Variants in PRRX1 observed in about 807,000 individuals in gnomAD.
PRRX1 encodes paired related homeobox 1.
Under a neutral mutation model 24.0 loss-of-function variants are expected in PRRX1, and 8 were observed. The observed-to-expected ratio is 0.33, with a 90% CI of 0.20 to 0.60. The LOEUF is 0.60. Among genes scored for constraint, PRRX1 ranks in the 20% least tolerant of loss-of-function variants. PRRX1 has a pLI of 0.82. For missense variants in PRRX1, 281 were observed against 322.4 expected, an observed-to-expected ratio of 0.87 and a Z score of 0.98; for synonymous variants, 160 against 131.7, an observed-to-expected ratio of 1.22 and a Z score of -1.47.
chr1:170,667,048 T>A (rs1223206435), intron 1 of PRRX1, among the ~76,000 whole-genome samples: 2 of 152,042 alleles, frequency 1.3e-5, no homozygotes, highest in African/African-American at 4.8e-5. Flanking sequence ...GGGGACTGTA[T>A]GTCCCGGGAG....
chr1:170,692,733 T>TCG, intron 1 of PRRX1, among the ~76,000 whole-genome samples: 1 of 141,152 alleles, frequency 7.1e-6, no homozygotes. Context: ...TCTCTCTCTC[T>TCG]CTCTCTCTCA....
Position 170,670,920 on chromosome 1 carries a change from T to C in PRRX1, c.241+6461T>C, listed in dbSNP as rs530933538. ...GATATAGGAATAAGGGTCTGAGTTA[T>C]GCCCAGAATACATTCGTCTGGTACT... On this transcript the variant is annotated intron_variant, in intron 1 of 3. Coordinates refer to ENST00000239461, the MANE Select transcript of PRRX1 (RefSeq NM_022716.4). Among the ~76,000 whole-genome samples, 16 of 152,320 alleles carry C rather than the reference T, an allele frequency of 1.1e-4. No individual in the cohort carries two copies. The South Asian group carries it at 1.7e-3, about 16-fold the overall frequency.
chr1:170,722,130 C>T (rs1253566902), intron 2 of PRRX1, among the ~76,000 whole-genome samples: 1 of 152,118 alleles, frequency 6.6e-6, no homozygotes, highest in African/African-American at 2.4e-5. Flanking sequence ...GTGAACATTT[C>T]CTAAGTGAGT....
intron 1 of PRRX1, among the ~76,000 whole-genome samples, chr1:170,700,133 A>C (rs934901017): frequency 6.6e-6 from 1 of 152,170 alleles, no homozygotes; most frequent in African/African-American, 2.4e-5. Flanking sequence ...CATTTTTTTT[A>C]AGCAAATGAA....
chr1:170,731,589 A>G (rs1655440021), intron 3 of PRRX1, among the ~76,000 whole-genome samples: 1 of 152,096 alleles, frequency 6.6e-6, no homozygotes, highest in South Asian at 2.1e-4. Flanking sequence ...TACGAATAGT[A>G]TTTTCCATAC....
chr1:170,670,376 A>G (rs951354354), intron 1 of PRRX1, among the ~76,000 whole-genome samples: 1 of 152,218 alleles, frequency 6.6e-6, no homozygotes, highest in African/African-American at 2.4e-5. Context: ...AACAGCAATA[A>G]TAATGTCAGC....
intron 1 of PRRX1, among the ~76,000 whole-genome samples, chr1:170,683,767 A>G (rs1158986722): frequency 1.3e-5 from 2 of 152,360 alleles, no homozygotes; most frequent in Non-Finnish European, 1.5e-5. Flanking sequence ...ACTGCAATTC[A>G]GATATGTGAA....
upstream of PRRX1, chr1:170,663,624 G>A (rs1202679115): frequency 6.6e-6 from 1 of 152,228 alleles, no homozygotes; most frequent in East Asian, 1.9e-4. Context: ...TGCAGAGAGG[G>A]GGGAACACGT....
chr1:170,689,130 C>A (rs1381433595), intron 1 of PRRX1, among the ~76,000 whole-genome samples: 2 of 152,108 alleles, frequency 1.3e-5, no homozygotes, highest in Non-Finnish European at 2.9e-5. Flanking sequence ...GATTCCCTAA[C>A]TTCTTTGGGC....
chr1:170,698,490 C>T (rs1654249072), intron 1 of PRRX1, among the ~76,000 whole-genome samples: 1 of 152,168 alleles, frequency 6.6e-6, no homozygotes, highest in Non-Finnish European at 1.5e-5. Flanking sequence ...AATACATAGG[C>T]ACTATTCAGG....
intron 1 of PRRX1, among the ~76,000 whole-genome samples, chr1:170,684,100 A>G (rs1204197689): frequency 1.3e-5 from 2 of 152,192 alleles, no homozygotes; most frequent in East Asian, 3.8e-4. Context: ...CACATAGTTC[A>G]TATTCAGCAT....
intron 1 of PRRX1, among the ~76,000 whole-genome samples, chr1:170,705,133 C>T (rs1194399347): frequency 6.6e-6 from 1 of 151,896 alleles, no homozygotes; most frequent in Non-Finnish European, 1.5e-5. Context: ...TTTTTGTCAC[C>T]ACTTTGCCAC....
rs1449283424 is a variant in PRRX1 at position 170,737,568 on chromosome 1, A to C, written c.*1382A>C. ...AATATGAAAGAAAGGCACATGTTTA[A>C]GAGGAATACCTAAAGGTTTTTCTAA... On this transcript the variant is annotated 3_prime_UTR_variant, in exon 4 of 4. Coordinates refer to ENST00000239461, the MANE Select transcript of PRRX1 (RefSeq NM_022716.4). 9.4e-6 allele frequency: 2 copies of C among 211,694 alleles called. No individual in the cohort carries two copies. Among genetic ancestry groups the C allele is most frequent in the Middle Eastern group, 1.5e-3 (1 of 660 alleles). 13.1% of individuals were successfully genotyped at this position (211,694 alleles called of 1,614,324 possible). A position where few individuals can be genotyped will look rare whatever the true frequency, so the allele number is the denominator to read the frequency against.
At chr1:170,705,040 T>C (rs1183333248) in intron 1 of PRRX1, among the ~76,000 whole-genome samples, 2 of 152,210 alleles carry the variant, frequency 1.3e-5, no homozygotes, top group Non-Finnish European at 2.9e-5. Context: ...TGGGTCCTAG[T>C]GGAATGGTCT....
intron 1 of PRRX1, among the ~76,000 whole-genome samples, chr1:170,695,370 T>G (rs1389845653): frequency 1.3e-5 from 2 of 152,192 alleles, no homozygotes; most frequent in East Asian, 3.8e-4. Flanking sequence ...GATGCTATTT[T>G]AATACTACAT....
chr1:170,689,816 CTCTCTCTCTCTCTCTCTCTCTCCCT>C (rs1653869659), intron 1 of PRRX1, among the ~76,000 whole-genome samples: 2 of 82,294 alleles, frequency 2.4e-5, no homozygotes, highest in South Asian at 4.5e-4. Context: ...AATATTCCGT[CTCTCTCTCTCTCTCTCTCTCTCCCT>C]CTCTCTCTCT....
intron 1 of PRRX1, among the ~76,000 whole-genome samples, chr1:170,698,645 A>T (rs1654253114): frequency 6.6e-6 from 1 of 152,156 alleles, no homozygotes; most frequent in Non-Finnish European, 1.5e-5. Flanking sequence ...CTATCTAGTA[A>T]TTTCCATTTT....
At position 170,664,256 on chromosome 1, in the gene PRRX1, C is replaced by A. The variant is rs200885791; in HGVS notation, c.38C>A (p.Pro13Gln). The A allele has an allele frequency of 6.2e-7, 1 of 1,612,432 alleles. No individual in the cohort carries two copies. Among genetic ancestry groups the A allele is most frequent in the Non-Finnish European group, 8.5e-7 (1 of 1,179,506 alleles). Reference sequence around the variant, plus strand: ...TACGGGCACGTTCTGGAGCGGCAACCGGCGCTGGGCGGCCGCTTGGACAGC... The same window carrying A: ...TACGGGCACGTTCTGGAGCGGCAACAGGCGCTGGGCGGCCGCTTGGACAGC... ...SSYGHVLERQPALGGRLDSPG... is the reference protein window; with the variant it reads ...SSYGHVLERQQALGGRLDSPG... Residue 13 changes from proline to glutamine, a missense_variant, in exon 1 of 4, where the codon CCG becomes CAG. Physicochemically the swap from Pro to Gln is moderately conservative, Grantham distance 76. Coordinates refer to ENST00000239461, the MANE Select transcript of PRRX1 (RefSeq NM_022716.4).
intron 2 of PRRX1, among the ~76,000 whole-genome samples, chr1:170,724,252 G>A (rs1035018991): frequency 1.3e-5 from 2 of 152,132 alleles, no homozygotes; most frequent in African/African-American, 2.4e-5. Context: ...TGTTCACTCT[G>A]ATGATAGTTT....
Sources: gnomAD v4.1 joint callset for allele counts (sites outside exome capture counted in the v4.1 genomes callset) on GRCh38, gnomAD v4.1.1 for gene constraint, MANE v1.5 for transcripts, NCBI Gene and HGNC (gene_info 2026-07-23, HGNC 2026-07-21) for gene names.